The following FAM184A variants were observed in gnomAD, a reference collection of about 807,000 sequenced individuals.
FAM184A encodes protein FAM184A.
A neutral mutation model predicts 143.8 loss-of-function variants in FAM184A; 99 were observed. The ratio of observed to expected loss-of-function variants is 0.69; its 90% CI spans 0.58 to 0.81. The LOEUF (loss-of-function observed/expected upper bound fraction) is 0.81, where lower values mean the gene tolerates loss of function less well. FAM184A is among the 40% of genes least tolerant of loss of function. FAM184A has a pLI of 0.00. For missense variants in FAM184A, 1,217 were observed against 1,310.5 expected (o/e 0.93, Z 1.10); for synonymous variants, 427 against 446.4 (o/e 0.96, Z 0.55).
chr6:119,083,569 A>G (rs1202750024), upstream of FAM184A, among the ~76,000 whole-genome samples: 1 of 152,066 alleles, frequency 6.6e-6, no homozygotes, highest in African/African-American at 2.4e-5. Flanking sequence ...GATACCCTAA[A>G]TCATCTAAGT....
intron 1 of FAM184A, among the ~76,000 whole-genome samples, chr6:119,120,848 CTTT>C (rs374951012): frequency 1.0e-5 from 1 of 98,262 alleles, no homozygotes. Context: ...TTCTTTCTTT[CTTT>C]TTTTTTTTTT....
At chr6:119,100,266 A>G (rs1444314275) in intron 1 of FAM184A, among the ~76,000 whole-genome samples, 1 of 152,148 alleles carries the variant, frequency 6.6e-6, no homozygotes, top group Non-Finnish European at 1.5e-5. Context: ...GAAAAGATCA[A>G]TGCATTATCT....
intron 1 of FAM184A, among the ~76,000 whole-genome samples, chr6:119,057,091 CATAA>C (rs1787006984): frequency 6.6e-6 from 1 of 152,134 alleles, no homozygotes; most frequent in Non-Finnish European, 1.5e-5. Flanking sequence ...GAACAAAAGG[CATAA>C]ATGAGTTAAT....
In FAM184A at chr6:118,967,099, A is replaced by G. The variant is rs528941327; in HGVS notation, c.2916-147T>C. On this transcript the variant is annotated intron_variant, in intron 14 of 17. Transcript: ENST00000338891. Reference sequence around the variant, plus strand: ...CCTTAAAACTTTTAAGCATAATGACATGACTGCTTCAAGAGCAGTAGTTGC... The same window carrying G: ...CCTTAAAACTTTTAAGCATAATGACGTGACTGCTTCAAGAGCAGTAGTTGC... 3 of 509,636 alleles carry G rather than the reference A, an allele frequency of 5.9e-6. No individual in the cohort carries two copies. The East Asian group carries it at 9.7e-5, about 17-fold the overall frequency. The allele number at this position is 509,636 out of a possible 1,614,324, so 31.6% of individuals were successfully genotyped here.
At chr6:119,019,497 C>A (rs1436755749) in intron 4 of FAM184A, among the ~76,000 whole-genome samples, 1 of 152,122 alleles carries the variant, frequency 6.6e-6, no homozygotes, top group South Asian at 2.1e-4. Flanking sequence ...GTATTGTGGG[C>A]ATCTGAAAAA....
chr6:119,083,714 A>C (rs543602339), intron 1 of FAM184A, among the ~76,000 whole-genome samples: 2 of 152,276 alleles, frequency 1.3e-5, no homozygotes, highest in African/African-American at 4.8e-5. Flanking sequence ...CCTGGACTTC[A>C]TTGTCTATAT....
At chr6:119,143,724 G>A (rs1341071952) in intron 1 of FAM184A, among the ~76,000 whole-genome samples, 2 of 152,186 alleles carry the variant, frequency 1.3e-5, no homozygotes, top group African/African-American at 4.8e-5. Context: ...GACACACACT[G>A]TACGATCCCA....
intron 11 of FAM184A, 98 bp from the exon 12 acceptor site, chr6:118,976,142 G>C: frequency 8.6e-7 from 1 of 1,158,498 alleles, no homozygotes. Flanking sequence ...TCAAAAATTA[G>C]AACACTTGTG....
intron 1 of FAM184A, among the ~76,000 whole-genome samples, chr6:119,062,614 C>T (rs10456919): frequency 0.042 from 6,417 of 152,066 alleles, 243 homozygotes; most frequent in East Asian, 0.2. Context: ...GAGCTGTGAT[C>T]GCACCACTGC....
At chr6:119,071,898 C>T (rs111543801) in intron 1 of FAM184A, among the ~76,000 whole-genome samples, 14 of 117,738 alleles carry the variant, frequency 1.2e-4, no homozygotes, top group African/African-American at 4.4e-4. Context: ...TAGAGTCTTG[C>T]TCTGTCACTC....
At position 119,137,729 on chromosome 6, in the gene FAM184A, A is replaced by ACTG. The variant is rs780634215; in HGVS notation, c.-202+11346_-202+11348dup. Among the ~76,000 whole-genome samples the ACTG allele has an allele frequency of 1.8e-3, 268 of 152,294 alleles. 1 individual carries two copies. Among genetic ancestry groups the ACTG allele is most frequent in the Non-Finnish European group, 3.3e-3 (224 of 68,016 alleles). ...GGGTTTGTCAGGTTCTATGGGGTTT[A>ACTG]CTGCTGTTGGCAGTCCTGTCTCTCC... On this transcript the variant is annotated intron_variant, in intron 1 of 16. Transcript: ENST00000352896.
intron 12 of FAM184A, 115 bp downstream of exon 12, chr6:118,975,802 A>G (rs1783827804): frequency 1.0e-6 from 1 of 991,562 alleles, no homozygotes; most frequent in Non-Finnish European, 1.5e-6. Context: ...TTCAATATAA[A>G]TAGAATGTGA....
chr6:118,959,959 G>A lies in FAM184A; in HGVS notation c.*144C>T. 1.8e-6 allele frequency: 1 copy of A among 556,250 alleles called. No individual in the cohort carries two copies. Among genetic ancestry groups the A allele is most frequent in the Non-Finnish European group, 3.1e-6 (1 of 319,030 alleles). The allele number at this position is 556,250 out of a possible 1,614,324, so 34.5% of individuals were successfully genotyped here. On this transcript the variant is annotated 3_prime_UTR_variant, in exon 18 of 18. Transcript: ENST00000338891. ...TAGAATGATTCCAATAAATATCACA[G>A]GAAATACAGTGCATTTTCAAGTTGG...
intron 1 of FAM184A, among the ~76,000 whole-genome samples, chr6:119,083,902 C>G (rs116863564): frequency 0.021 from 3,247 of 152,182 alleles, 51 homozygotes; most frequent in Non-Finnish European, 0.032. Context: ...TATCCCAGTA[C>G]CAATTTTTTG....
At chr6:119,031,679 C>T (rs1785877390) in intron 1 of FAM184A, 1 of 152,140 alleles carries the variant, frequency 6.6e-6, no homozygotes, top group African/African-American at 2.4e-5. Context: ...TTTGTAATAA[C>T]ATACATTCAC....
chr6:118,982,496 A>G (rs1430639621), intron 9 of FAM184A, among the ~76,000 whole-genome samples: 1 of 152,238 alleles, frequency 6.6e-6, no homozygotes, highest in Non-Finnish European at 1.5e-5. Flanking sequence ...TGGGGATTAA[A>G]GTCTACCCAG....
intron 1 of FAM184A, among the ~76,000 whole-genome samples, chr6:119,130,846 ATTTCTTTT>A (rs1282409456): frequency 7.0e-6 from 1 of 142,674 alleles, no homozygotes; most frequent in Non-Finnish European, 1.5e-5. Flanking sequence ...TCAGAATTGT[ATTTCTTTT>A]TTTCTTTTTT....
rs1454454296 is a variant in FAM184A, at chr6:118,964,706, G to A, written c.3099C>T (p.Asn1033=). The A allele has an allele frequency of 6.2e-7, 1 of 1,609,048 alleles. No individual in the cohort carries two copies. Among genetic ancestry groups the A allele is most frequent in the East Asian group, 2.2e-5 (1 of 44,716 alleles). ...TAATAACACCAACAGTAGGACTTGA[G>A]TTAAACACTTTGTTGAAGTTAGTTT... The part of the protein sequence containing the change: ...NRETNFNKVF[N]SSPTVGVINP... The change falls in exon 16 of 18, where the codon AAC becomes AAT. Residue 1033 remains asparagine (N), a synonymous_variant. Transcript: ENST00000338891.
At chr6:119,011,231 C>G in intron 6 of FAM184A, 78 bp downstream of exon 6, 1 of 1,225,776 alleles carries the variant, frequency 8.2e-7, no homozygotes, top group East Asian at 2.6e-5. Context: ...TGAGACTTAC[C>G]TACCTATACA....
Sources: gnomAD v4.1 joint callset for allele counts (sites outside exome capture counted in the v4.1 genomes callset) on GRCh38, gnomAD v4.1.1 for gene constraint, MANE v1.5 for transcripts, NCBI Gene and HGNC (gene_info 2026-07-23, HGNC 2026-07-21) for gene names.